Variants in ANKRD44 observed in about 807,000 individuals in gnomAD.
The protein encoded by ANKRD44 is ankyrin repeat domain 44.
ANKRD44 carries 35 observed loss-of-function variants against 116.0 expected under a neutral mutation model. The ratio of observed to expected loss-of-function variants is 0.30; its 90% CI spans 0.23 to 0.40. ANKRD44 has a LOEUF of 0.40. Among genes scored for constraint, ANKRD44 ranks in the 10% least tolerant of loss-of-function variants. The pLI is 1.00. For synonymous variants in ANKRD44, 435 were observed against 461.8 expected (o/e 0.94, Z 0.74); for missense variants, 1,014 against 1,242.6 (o/e 0.82, Z 2.77).
intron 1 of ANKRD44, among the ~76,000 whole-genome samples, chr2:197,197,719 A>G (rs1365834836): frequency 6.7e-6 from 1 of 149,732 alleles, no homozygotes; most frequent in Non-Finnish European, 1.5e-5. Context: ...CTGAGGTGGG[A>G]GAACCAACTG....
chr2:197,071,843 T>A (rs1307574250), intron 16 of ANKRD44, among the ~76,000 whole-genome samples: 1 of 152,190 alleles, frequency 6.6e-6, no homozygotes, highest in African/African-American at 2.4e-5. Context: ...ATTCTAACAG[T>A]TTTTGCTTCA....
chr2:197,147,863 G>T (rs1166929471), intron 2 of ANKRD44: 2 of 455,554 alleles, frequency 4.4e-6, no homozygotes, highest in African/African-American at 2.0e-5. Context: ...CATTAAGGCT[G>T]AGAGCTAAGG....
intron 26 of ANKRD44, 85 bp from the exon 27 acceptor site, chr2:196,993,759 A>G (rs2075962546): frequency 9.1e-7 from 1 of 1,102,044 alleles, no homozygotes; most frequent in Non-Finnish European, 1.3e-6. Flanking sequence ...CACTAAAAGG[A>G]AGAAGTACTT....
chr2:197,215,652 C>T (rs2081426888), intron 1 of ANKRD44, among the ~76,000 whole-genome samples: 1 of 152,090 alleles, frequency 6.6e-6, no homozygotes, highest in Non-Finnish European at 1.5e-5. Context: ...TGTTCTTGAT[C>T]GACCGAGTAT....
At chr2:197,134,574 G>A (rs2079172624) in intron 4 of ANKRD44, 1 of 152,206 alleles carries the variant, frequency 6.6e-6, no homozygotes. Context: ...TTTGAAGCTA[G>A]TTGAGCTAAC....
chr2:197,000,431 T>C lies in ANKRD44; in HGVS notation c.2507A>G (p.Asp836Gly), dbSNP rs1376198434. 6.2e-7 allele frequency: 1 copy of C among 1,613,950 alleles called. No homozygotes were observed. Among genetic ancestry groups the C allele is most frequent in the Non-Finnish European group, 8.5e-7 (1 of 1,179,864 alleles). ...AIDSSIVSCR[D>G]DKGRTPLHAA... ...TTAGATTACTTACCTGCCTTTGTCA[T>C]CTCTACAACTGACGATACTGGAATC... is the stretch of plus-strand genomic sequence containing the variant. The change falls in exon 23 of 28, where the codon GAT becomes GGT. Residue 836 changes from aspartate (D) to glycine (G), a missense_variant. Transcript: ENST00000282272.
intron 6 of ANKRD44, among the ~76,000 whole-genome samples, chr2:197,124,967 CCTTT>C (rs35753434): frequency 0.63 from 94,958 of 151,808 alleles, 33,602 homozygotes; most frequent in East Asian, 0.95. Context: ...GTCTTTTCTT[CCTTT>C]CTTTTTGTTT....
chr2:197,043,488 A>G (rs1233483373), intron 16 of ANKRD44, among the ~76,000 whole-genome samples: 2 of 152,162 alleles, frequency 1.3e-5, no homozygotes, highest in African/African-American at 4.8e-5. Context: ...GATGACAAGC[A>G]TGAGCCACCC....
intron 12 of ANKRD44, 83 bp downstream of exon 12, chr2:197,088,628 C>A: frequency 3.6e-6 from 3 of 831,126 alleles, no homozygotes; most frequent in South Asian, 5.3e-5. Context: ...AAGGAAATTG[C>A]CTTTGATTCA....
rs2075844463 is a variant in ANKRD44, at chr2:196,986,979, C to A, written c.*2612G>T. On this transcript the variant is annotated 3_prime_UTR_variant, in exon 28 of 28. Transcript: ENST00000282272. ...CAAATATGTTATGCAAAATATAACA[C>A]TGGCACCAGATTTGTATCATCGTGC... is the stretch of plus-strand genomic sequence containing the variant. 1.0e-6 allele frequency: 1 copy of A among 985,292 alleles called. No individual in the cohort carries two copies. Among genetic ancestry groups the A allele is most frequent in the African/African-American group, 1.7e-5 (1 of 57,244 alleles). 61.0% of individuals were successfully genotyped at this position (985,292 alleles called of 1,614,324 possible).
chr2:196,979,553 A>ATTTTTTTTTTT (rs1202023600), intron 21 of ANKRD44, among the ~76,000 whole-genome samples: 1 of 90,062 alleles, frequency 1.1e-5, no homozygotes, highest in Non-Finnish European at 2.1e-5. Flanking sequence ...TAATAAGATG[A>ATTTTTTTTTTT]CTTTTTTTTT....
At chr2:197,085,834 G>A (rs115607189) in intron 13 of ANKRD44, among the ~76,000 whole-genome samples, 663 of 152,018 alleles carry the variant, frequency 4.4e-3, no homozygotes, top group Non-Finnish European at 7.1e-3. Flanking sequence ...CTATGGACTC[G>A]CCCTGAATTG....
At chr2:197,186,612 C>A (rs150128708) in intron 2 of ANKRD44, among the ~76,000 whole-genome samples, 1 of 50,786 alleles carries the variant, frequency 2.0e-5, no homozygotes, top group African/African-American at 4.7e-5. Flanking sequence ...GCTAATTTTT[C>A]TTTTTTTTTT....
chr2:197,150,169 C>G (rs892717875), intron 2 of ANKRD44, among the ~76,000 whole-genome samples: 2 of 152,274 alleles, frequency 1.3e-5, no homozygotes, highest in Admixed American at 6.5e-5. Context: ...GAGCCTAGGA[C>G]AGTTTGTATG....
chr2:197,114,184 C>G (rs949221043), intron 8 of ANKRD44, among the ~76,000 whole-genome samples: 2 of 152,112 alleles, frequency 1.3e-5, no homozygotes, highest in Non-Finnish European at 2.9e-5. Context: ...CCTAGAATTG[C>G]ACAAAAAGAT....
intron 1 of ANKRD44, among the ~76,000 whole-genome samples, chr2:197,230,121 C>G (rs1235522254): frequency 1.3e-5 from 2 of 152,064 alleles, no homozygotes; most frequent in South Asian, 2.1e-4. Context: ...CAGGGATGCA[C>G]TGTCTGTGTT....
At chr2:197,122,412 T>C (rs2125327076) in intron 7 of ANKRD44, among the ~76,000 whole-genome samples, 1 of 152,310 alleles carries the variant, frequency 6.6e-6, no homozygotes, top group South Asian at 2.1e-4. Flanking sequence ...TTACATAGAA[T>C]CTTTATGTCT....
chr2:197,116,191 G>A (rs745388752), intron 8 of ANKRD44, among the ~76,000 whole-genome samples: 33 of 152,210 alleles, frequency 2.2e-4, no homozygotes, highest in Non-Finnish European at 4.1e-4. Flanking sequence ...AGGCCGGTGT[G>A]CCAGAGAGTA....
chr2:197,016,917 A>G (rs1268822591), intron 17 of ANKRD44, among the ~76,000 whole-genome samples: 5 of 152,200 alleles, frequency 3.3e-5, no homozygotes, highest in Admixed American at 3.3e-4. Context: ...AACTCTTGGA[A>G]ACCATTTTAA....
Sources: allele counts gnomAD v4.1 joint callset (sites outside exome capture counted in the v4.1 genomes callset), GRCh38; gene constraint gnomAD v4.1.1; transcripts MANE v1.5; gene names NCBI Gene and HGNC (gene_info 2026-07-23, HGNC 2026-07-21).